The following HYCC1 variants were observed in gnomAD, a reference collection of about 807,000 sequenced individuals.
HYCC1 encodes hyccin PI4KA lipid kinase complex subunit 1, also known as hyccin.
At chr7:23,007,518 C>G in the HYCC1 span, among the ~76,000 whole-genome samples, 1 of 152,052 alleles carries the variant, frequency 6.6e-6, no homozygotes, top group African/African-American at 2.4e-5. Context: ...CCAAAAAGAC[C>G]TAGACATTTT....
At chr7:22,979,153 T>C in the HYCC1 span, among the ~76,000 whole-genome samples, 1 of 152,196 alleles carries the variant, frequency 6.6e-6, no homozygotes, top group African/African-American at 2.4e-5. Context: ...AATTTAAATA[T>C]ACTAAACAGA....
the HYCC1 span, among the ~76,000 whole-genome samples, chr7:22,909,315 C>A: frequency 5.3e-5 from 8 of 152,160 alleles, no homozygotes; most frequent in Non-Finnish European, 1.0e-4. Flanking sequence ...ATGTGAGACA[C>A]CTGCTCCCCC....
At chr7:22,908,066 T>A in the HYCC1 span, among the ~76,000 whole-genome samples, 11 of 152,334 alleles carry the variant, frequency 7.2e-5, no homozygotes, top group African/African-American at 2.4e-4. Context: ...AAGCAAAAAG[T>A]GGACTTAAAG....
chr7:22,902,110 C>T, the HYCC1 span, among the ~76,000 whole-genome samples: 41 of 151,932 alleles, frequency 2.7e-4, no homozygotes, highest in African/African-American at 8.7e-4. Context: ...AATTACAAAT[C>T]GTATCAATAA....
At chr7:22,977,559 G>T in the HYCC1 span, 1 of 579,882 alleles carries the variant, frequency 1.7e-6, no homozygotes, top group Admixed American at 3.2e-5. Context: ...CTTAAACCAT[G>T]ATAATCCATT....
the HYCC1 span, among the ~76,000 whole-genome samples, chr7:22,955,391 C>T: frequency 6.6e-6 from 1 of 151,562 alleles, no homozygotes; most frequent in Non-Finnish European, 1.5e-5. Context: ...AATGTTTTCA[C>T]TTACTTGTCT....
At chr7:22,928,008 C>G in the HYCC1 span, among the ~76,000 whole-genome samples, 1 of 152,172 alleles carries the variant, frequency 6.6e-6, no homozygotes, top group Non-Finnish European at 1.5e-5. Context: ...GGCTTCATCC[C>G]TGGGATGCAA....
the HYCC1 span, among the ~76,000 whole-genome samples, chr7:22,978,972 C>T: frequency 3.1e-4 from 47 of 152,162 alleles, no homozygotes; most frequent in South Asian, 1.7e-3. Flanking sequence ...AAGGTAAGAC[C>T]CTCTTATAGG....
chr7:22,993,481 A>G, the HYCC1 span, among the ~76,000 whole-genome samples: 1 of 152,300 alleles, frequency 6.6e-6, no homozygotes, highest in East Asian at 1.9e-4. Context: ...GTGGCAGATG[A>G]TATCTGCAAT....
the HYCC1 span, chr7:22,976,240 G>T: frequency 3.1e-6 from 5 of 1,612,738 alleles, no homozygotes; most frequent in Non-Finnish European, 4.2e-6. Flanking sequence ...TGACTGAAGA[G>T]AAACACTGGG....
the HYCC1 span, among the ~76,000 whole-genome samples, chr7:22,933,225 TCTTTA>T: frequency 6.6e-6 from 1 of 152,182 alleles, no homozygotes; most frequent in Non-Finnish European, 1.5e-5. Flanking sequence ...TTGTGATAAA[TCTTTA>T]TCTTCTACCT....
the HYCC1 span, chr7:22,945,394 C>A: frequency 8.5e-6 from 5 of 590,352 alleles, no homozygotes; most frequent in Non-Finnish European, 1.5e-5. Context: ...AAATCTTAAT[C>A]AAGAAATAAC....
the HYCC1 span, among the ~76,000 whole-genome samples, chr7:22,896,689 C>G: frequency 1.3e-5 from 2 of 152,174 alleles, no homozygotes; most frequent in Admixed American, 1.3e-4. Flanking sequence ...TCTCTCATTC[C>G]CATCTTCCAT....
At chr7:22,926,192 T>C in the HYCC1 span, among the ~76,000 whole-genome samples, 1 of 151,774 alleles carries the variant, frequency 6.6e-6, no homozygotes, top group Non-Finnish European at 1.5e-5. Context: ...GCACTAAACA[T>C]GGAAAGGAAC....
chr7:22,945,750 C>G, the HYCC1 span: 1 of 1,613,830 alleles, frequency 6.2e-7, no homozygotes, highest in Non-Finnish European at 8.5e-7. Context: ...CAACCAACAG[C>G]AGATGACGGG....
At chr7:22,906,845 A>G in the HYCC1 span, among the ~76,000 whole-genome samples, 1 of 152,118 alleles carries the variant, frequency 6.6e-6, no homozygotes, top group African/African-American at 2.4e-5. Context: ...TAATACATGT[A>G]CAATCTAGGG....
the HYCC1 span, among the ~76,000 whole-genome samples, chr7:22,919,732 T>C: frequency 2.6e-5 from 4 of 151,728 alleles, no homozygotes; most frequent in African/African-American, 7.3e-5. Flanking sequence ...TTAAGATAGA[T>C]TGACAGAGAT....
chr7:23,005,222 G>C, the HYCC1 span, among the ~76,000 whole-genome samples: 1 of 152,096 alleles, frequency 6.6e-6, no homozygotes. Context: ...AAAGAATGCT[G>C]ACTCTGGAGT....
At chr7:23,014,053 TC>T in the HYCC1 span, 1 of 470,746 alleles carries the variant, frequency 2.1e-6, no homozygotes, top group Non-Finnish European at 4.4e-6. Context: ...GCAGAACGGG[TC>T]CCGGTGAGCC....
Sources: allele counts gnomAD v4.1 joint callset (sites outside exome capture counted in the v4.1 genomes callset), GRCh38; gene constraint gnomAD v4.1.1; transcripts MANE v1.5; gene names NCBI Gene and HGNC (gene_info 2026-07-23, HGNC 2026-07-21).